Variants in CERKL observed in about 807,000 individuals in gnomAD.
CERKL encodes ceramide kinase-like protein.
In CERKL, 61 loss-of-function variants were observed where a neutral mutation model predicts 63.4. The ratio of observed to expected loss-of-function variants is 0.96; its 90% CI spans 0.78 to 1.19. The LOEUF is 1.19. CERKL is among the 50% of genes most tolerant of loss of function. CERKL has a pLI of 0.00. For missense variants in CERKL, 675 were observed against 655.5 expected, an observed-to-expected ratio of 1.03 and a Z score of -0.33; for synonymous variants, 250 against 230.5, an observed-to-expected ratio of 1.08 and a Z score of -0.77.
intron 2 of CERKL, among the ~76,000 whole-genome samples, chr2:181,602,565 C>T (rs911091821): frequency 5.6e-5 from 8 of 143,292 alleles, no homozygotes; most frequent in African/African-American, 2.3e-4. Context: ...CCCAAAGGGG[C>T]TAGCAGGGAA....
chr2:181,549,141 G>A (rs1037221971), intron 6 of CERKL, among the ~76,000 whole-genome samples: 3 of 152,102 alleles, frequency 2.0e-5, no homozygotes, highest in African/African-American at 7.2e-5. Context: ...AGATAGGCAA[G>A]GTAAACACAG....
At chr2:181,650,952 C>CGGA (rs1687908297) in intron 1 of CERKL, among the ~76,000 whole-genome samples, 1 of 152,050 alleles carries the variant, frequency 6.6e-6, no homozygotes, top group African/African-American at 2.4e-5. Context: ...AACGAAGTCC[C>CGGA]CGACACATAC....
intron 1 of CERKL, among the ~76,000 whole-genome samples, chr2:181,612,114 G>T (rs753274137): frequency 6.6e-6 from 1 of 152,142 alleles, no homozygotes; most frequent in Admixed American, 6.5e-5. Flanking sequence ...AAGACGGAAT[G>T]TAAGTAACTT....
Position 181,604,096 on chromosome 2 carries a change from T to G in CERKL, c.239-17A>C, listed in dbSNP as rs577247654. On this transcript the variant is annotated splice_polypyrimidine_tract_variant and intron_variant, in intron 1 of 12. Transcript: ENST00000410087. Reference sequence around the variant, plus strand: ...TAGAATCACCTGAAAAAAAAATAAATTTTCCAATTAAAACCATTGTGTTTC... The same window carrying G: ...TAGAATCACCTGAAAAAAAAATAAAGTTTCCAATTAAAACCATTGTGTTTC... 6.3e-7 allele frequency: 1 copy of G among 1,575,942 alleles called. No individual in the cohort carries two copies. Among genetic ancestry groups the G allele is most frequent in the Non-Finnish European group, 8.7e-7 (1 of 1,150,406 alleles).
At chr2:181,574,710 A>G (rs1689049637) in intron 2 of CERKL, among the ~76,000 whole-genome samples, 1 of 152,318 alleles carries the variant, frequency 6.6e-6, no homozygotes, top group African/African-American at 2.4e-5. Flanking sequence ...AGCTGCTCTC[A>G]GAGGGCCACG....
At chr2:181,648,715 A>G (rs1039241333) in intron 1 of CERKL, among the ~76,000 whole-genome samples, 6 of 152,246 alleles carry the variant, frequency 3.9e-5, no homozygotes, top group Non-Finnish European at 1.5e-5. Context: ...ACAACTGGTC[A>G]AAAACAACAA....
rs547656404 is a variant in CERKL at position 181,549,805 on chromosome 2, G to C, written c.821-97C>G. ...TGTAGATGTCATTCTTCAATGTTCA[G>C]ATGAAAAATAAACGAGAATTTATAA... On this transcript the variant is annotated intron_variant, in intron 5 of 12. Coordinates refer to ENST00000410087, the MANE Select transcript of CERKL (RefSeq NM_201548.5). 1.0e-4 allele frequency: 82 copies of C among 823,144 alleles called. 1 individual carries two copies. In the South Asian group the frequency reaches 1.1e-3, roughly 11 times the overall value. The allele number at this position is 823,144 out of a possible 1,614,324, so 51.0% of individuals were successfully genotyped here. A position where few individuals can be genotyped will look rare whatever the true frequency, so the allele number is the denominator to read the frequency against.
intron 2 of CERKL, among the ~76,000 whole-genome samples, chr2:181,587,347 C>T (rs966820832): frequency 1.8e-4 from 28 of 151,998 alleles, no homozygotes; most frequent in Non-Finnish European, 1.0e-4. Flanking sequence ...CACCTGCTGC[C>T]GGAATAATCA....
chr2:181,541,101 A>G (rs1293903532), intron 11 of CERKL, among the ~76,000 whole-genome samples: 1 of 152,248 alleles, frequency 6.6e-6, no homozygotes. Flanking sequence ...ACCTCAGAAC[A>G]TAACTATATT....
chr2:181,655,075 A>G (rs186620279), intron 1 of CERKL, among the ~76,000 whole-genome samples: 34 of 152,364 alleles, frequency 2.2e-4, no homozygotes, highest in African/African-American at 6.3e-4. Context: ...AATTACAAAG[A>G]AAAAGGGTAC....
Position 181,558,493 on chromosome 2 carries a change from T to C in CERKL, c.820+73A>G. 5 of 1,483,628 alleles carry C rather than the reference T, an allele frequency of 3.4e-6. No homozygotes were observed. Among genetic ancestry groups the C allele is most frequent in the Non-Finnish European group, 4.7e-6 (5 of 1,067,904 alleles). The allele number at this position is 1,483,628 out of a possible 1,614,324, so 91.9% of individuals were successfully genotyped here. ...TCTGTTCATTAATTCTGTGTTGTGC[T>C]GTCTAGATTAGCAAGTAAGAAAGGA... On this transcript the variant is annotated intron_variant, in intron 5 of 12. Coordinates refer to ENST00000410087, the MANE Select transcript of CERKL (RefSeq NM_201548.5). This position sits in a 1 kb window ranked among gnomAD's most constrained non-coding sequence, Gnocchi z 4.2.
chr2:181,603,783 T>C, intron 2 of CERKL, 54 bp downstream of exon 2: 1 of 1,555,618 alleles, frequency 6.4e-7, no homozygotes, highest in Non-Finnish European at 8.9e-7. Context: ...TCTAGATTAA[T>C]CATGTATATC....
rs963641208 is a variant in CERKL, at chr2:181,550,779, TATC to T, written c.821-1074_821-1072del. Among the ~76,000 whole-genome samples the T allele has an allele frequency of 7.2e-5, 11 of 152,290 alleles. No homozygotes were observed. Among genetic ancestry groups the T allele is most frequent in the South Asian group, 2.1e-4 (1 of 4,828 alleles). On this transcript the variant is annotated intron_variant, in intron 5 of 12. Transcript: ENST00000410087. The surrounding 1 kb of genome is among the most constrained non-coding windows in gnomAD (Gnocchi z 4.5). ...CCATTATCAACCAAGAGGTCATTAA[TATC>T]ATAATTTTTTAGGTAACTAAGAATA...
chr2:181,613,713 G>GCA (rs968533850), intron 1 of CERKL, among the ~76,000 whole-genome samples: 8 of 152,152 alleles, frequency 5.3e-5, no homozygotes, highest in African/African-American at 1.9e-4. Flanking sequence ...ATGTTCTTCA[G>GCA]CACTCCATTT....
In CERKL at chr2:181,595,203, T is replaced by C. The variant is rs1159277732; in HGVS notation, c.481+8634A>G. Among the ~76,000 whole-genome samples, 3 of 143,662 alleles carry C rather than the reference T, an allele frequency of 2.1e-5. No individual in the cohort carries two copies. In the East Asian group the frequency reaches 5.8e-4, roughly 28 times the overall value. 94.2% of individuals were successfully genotyped at this position (143,662 alleles called of 152,430 possible). On this transcript the variant is annotated intron_variant, in intron 2 of 12. Transcript: ENST00000410087. ...AATCTGTCACAAATCAGTGTGTTTA[T>C]ATGTGTTTTTAAAATTCCTTTAACA... is the stretch of plus-strand genomic sequence containing the variant.
intron 1 of CERKL, among the ~76,000 whole-genome samples, chr2:181,618,418 A>T (rs1284645838): frequency 8.6e-5 from 13 of 151,324 alleles, no homozygotes; most frequent in African/African-American, 2.7e-4. Flanking sequence ...TTTTATTTTT[A>T]TTTTTTTTAT....
Position 181,548,586 on chromosome 2 carries a change from T to C in CERKL, c.1092A>G (p.Ile364Met). The C allele has an allele frequency of 6.2e-7, 1 of 1,613,078 alleles. No individual in the cohort carries two copies. The highest frequency in any genetic ancestry group is 8.5e-7 in the Non-Finnish European group (1 of 1,179,286). The change falls in exon 8 of 13, where the codon ATA (isoleucine) becomes ATG (methionine). Residue 364 changes from isoleucine to methionine, a missense_variant. Transcript: ENST00000410087. ...CAGAGCTGTTAAATGGTAAAAATGA[T>C]ATTTCACAGTCTTCTGCCCTAAAAT... ...LAKLKAEDCEISFLPFNSSDD... is the reference protein window; with the variant it reads ...LAKLKAEDCEMSFLPFNSSDD...
At chr2:181,582,540 T>G (rs1684566080) in intron 2 of CERKL, among the ~76,000 whole-genome samples, 1 of 150,274 alleles carries the variant, frequency 6.7e-6, no homozygotes, top group South Asian at 2.1e-4. Context: ...TATATATGTT[T>G]TTTTTTTTTG....
rs3887908 is a variant in CERKL at position 181,646,645 on chromosome 2, G to T, written c.238+10124C>A. ...ACAGTCCTTGGGACTCCACCATTTG[G>T]CAGGCAGATAGAATGAAGTTCCCAT... is the stretch of plus-strand genomic sequence containing the variant. On this transcript the variant is annotated intron_variant, in intron 1 of 12. Transcript: ENST00000410087. 5.8e-3 allele frequency among the ~76,000 whole-genome samples: 884 copies of T among 152,328 alleles called. 10 individuals carry two copies. Among genetic ancestry groups the T allele is most frequent in the African/African-American group, 0.021 (853 of 41,576 alleles).
Sources: gnomAD v4.1 joint callset for allele counts (sites outside exome capture counted in the v4.1 genomes callset) on GRCh38, gnomAD v4.1.1 for gene constraint, Gnocchi (gnomAD v3.1) non-coding constraint, MANE v1.5 for transcripts, NCBI Gene and HGNC (gene_info 2026-07-23, HGNC 2026-07-21) for gene names.